Variants in HLCS observed in about 807,000 individuals in gnomAD.
HLCS encodes biotin--protein ligase.
HLCS carries 53 observed loss-of-function variants against 75.0 expected under a neutral mutation model. The observed-to-expected ratio is 0.71, with a 90% confidence interval of 0.57 to 0.89. The LOEUF (loss-of-function observed/expected upper bound fraction) is 0.89, where lower values mean the gene tolerates loss of function less well. Ranked by LOEUF, HLCS falls within the 40% of genes least tolerant of loss-of-function variation. The pLI is 0.00. For synonymous variants in HLCS, 431 were observed against 428.6 expected, an observed-to-expected ratio of 1.01 and a Z score of -0.07; for missense variants, 966 against 1,074.0, an observed-to-expected ratio of 0.90 and a Z score of 1.41.
chr21:36,916,139 C>T (rs1442435012), intron 5 of HLCS, among the ~76,000 whole-genome samples: 1 of 151,872 alleles, frequency 6.6e-6, no homozygotes, highest in Non-Finnish European at 1.5e-5. Flanking sequence ...ATACAAACCA[C>T]CTAAAAAAAA....
intron 2 of HLCS, among the ~76,000 whole-genome samples, chr21:36,955,926 A>G (rs1452107060): frequency 6.6e-6 from 1 of 152,214 alleles, no homozygotes; most frequent in Non-Finnish European, 1.5e-5. Context: ...AGCTGCCTAC[A>G]GTATCCAATG....
intron 5 of HLCS, among the ~76,000 whole-genome samples, chr21:36,927,483 A>T (rs2066459066): frequency 6.6e-6 from 1 of 152,234 alleles, no homozygotes; most frequent in African/African-American, 2.4e-5. Flanking sequence ...CGTCATAAAG[A>T]GCAAGTGTCA....
At position 36,756,684 on chromosome 21, in the gene HLCS, G is replaced by C. The variant is rs2089614259; in HGVS notation, c.2308C>G (p.Gln770Glu). ...AAGGGCTTCAGTTCTGCCTTGTGTTGTTTATTGTATTCTGTGATGAGGTCG... is the reference window on the plus strand; with the variant it reads ...AAGGGCTTCAGTTCTGCCTTGTGTTCTTTATTGTATTCTGTGATGAGGTCG... ...INDLITEYNK[Q>E]HKAELKPLRA... The change falls in exon 10 of 11, where the codon CAA (glutamine) becomes GAA (glutamate). Residue 770 changes from glutamine (Q) to glutamate (E), a missense_variant. Physicochemically the swap from Gln to Glu is conservative, Grantham distance 29. Coordinates refer to ENST00000674895, the MANE Select transcript of HLCS (RefSeq NM_001352514.2). The C allele has an allele frequency of 6.2e-7, 1 of 1,613,982 alleles. No individual in the cohort carries two copies. Among genetic ancestry groups the C allele is most frequent in the South Asian group, 1.1e-5 (1 of 91,080 alleles).
At chr21:36,854,324 T>A (rs558364058) in intron 6 of HLCS, among the ~76,000 whole-genome samples, 1 of 152,312 alleles carries the variant, frequency 6.6e-6, no homozygotes, top group East Asian at 1.9e-4. Flanking sequence ...ACCCTATTAC[T>A]CTACCACAGG....
At chr21:36,904,087 G>C (rs142637443) in intron 5 of HLCS, among the ~76,000 whole-genome samples, 2 of 152,062 alleles carry the variant, frequency 1.3e-5, no homozygotes, top group Non-Finnish European at 2.9e-5. Context: ...CTAAATAAAC[G>C]TCTATTCTTT....
chr21:36,841,096 G>A (rs2062599870), intron 6 of HLCS, among the ~76,000 whole-genome samples: 1 of 152,024 alleles, frequency 6.6e-6, no homozygotes, highest in Admixed American at 6.6e-5. Flanking sequence ...TAAAACGACA[G>A]GGACTTAGGC....
At chr21:36,822,301 TC>T (rs1273444019) in intron 6 of HLCS, among the ~76,000 whole-genome samples, 1 of 152,108 alleles carries the variant, frequency 6.6e-6, no homozygotes. Context: ...GCACCTGTAA[TC>T]CCAGCTACTT....
chr21:36,839,188 C>T (rs1056717311), intron 6 of HLCS, among the ~76,000 whole-genome samples: 3 of 152,212 alleles, frequency 2.0e-5, no homozygotes, highest in African/African-American at 7.2e-5. Context: ...CAAATACACA[C>T]GGCTGAAAAA....
intron 1 of HLCS, among the ~76,000 whole-genome samples, chr21:36,983,576 G>A (rs552178461): frequency 3.9e-5 from 6 of 151,942 alleles, no homozygotes; most frequent in South Asian, 4.2e-4. Flanking sequence ...AGTGGCTCAC[G>A]CCTGTAATCC....
At position 36,759,901 on chromosome 21, in the gene HLCS, C is replaced by A; in HGVS notation, c.2122-60G>T. On this transcript the variant is annotated intron_variant, in intron 8 of 10. Coordinates refer to ENST00000674895, the MANE Select transcript of HLCS (RefSeq NM_001352514.2). ...CAGGACACAAGGGGCCCAGGCAAGT[C>A]ACTGAGCTAAGGGAAGATAAGCAGA... 3 of 1,054,614 alleles carry A rather than the reference C, an allele frequency of 2.8e-6. No individual in the cohort carries two copies. The South Asian group carries it at 3.8e-5, about 13-fold the overall frequency. 65.3% of individuals were successfully genotyped at this position (1,054,614 alleles called of 1,614,324 possible).
chr21:36,946,908 G>A (rs1002024731), intron 2 of HLCS, among the ~76,000 whole-genome samples: 2 of 152,178 alleles, frequency 1.3e-5, no homozygotes, highest in African/African-American at 4.8e-5. Context: ...ATTCAGGACA[G>A]AGAGTTCGTT....
intron 5 of HLCS, among the ~76,000 whole-genome samples, chr21:36,906,841 C>T (rs927892593): frequency 4.6e-5 from 7 of 152,226 alleles, no homozygotes; most frequent in African/African-American, 9.6e-5. Context: ...TATTGGCACA[C>T]AGAGATAGGT....
intron 6 of HLCS, among the ~76,000 whole-genome samples, chr21:36,773,617 AC>A (rs1397035348): frequency 6.6e-6 from 1 of 151,870 alleles, no homozygotes; most frequent in Admixed American, 6.6e-5. Flanking sequence ...TATCTTCTTT[AC>A]CCCCCAGTTT....
At chr21:36,847,956 C>G (rs2062853882) in intron 6 of HLCS, among the ~76,000 whole-genome samples, 1 of 152,156 alleles carries the variant, frequency 6.6e-6, no homozygotes, top group Admixed American at 6.5e-5. Context: ...GTATTGTTTT[C>G]TGATCTGCTT....
intron 1 of HLCS, among the ~76,000 whole-genome samples, chr21:36,987,090 CTA>C (rs1255681823): frequency 6.6e-6 from 1 of 152,234 alleles, no homozygotes; most frequent in Non-Finnish European, 1.5e-5. Flanking sequence ...TGACCTGTCT[CTA>C]TCATTCTTTG....
intron 9 of HLCS, among the ~76,000 whole-genome samples, chr21:36,759,464 G>T (rs768991547): frequency 1.3e-5 from 2 of 152,196 alleles, no homozygotes; most frequent in Non-Finnish European, 2.9e-5. Context: ...TCAATGAGTA[G>T]CAGGAGTGTG....
At chr21:36,889,343 G>A (rs2064675408) in intron 6 of HLCS, among the ~76,000 whole-genome samples, 1 of 152,194 alleles carries the variant, frequency 6.6e-6, no homozygotes, top group Non-Finnish European at 1.5e-5. Context: ...ACACACTGCG[G>A]TTTCACGTCA....
chr21:36,882,704 A>T (rs1601615180), intron 6 of HLCS, among the ~76,000 whole-genome samples: 1 of 137,352 alleles, frequency 7.3e-6, no homozygotes, highest in Non-Finnish European at 1.5e-5. Context: ...CTCGTGATCC[A>T]CCCACCTCGG....
At chr21:36,841,883 A>C (rs569495448) in intron 6 of HLCS, among the ~76,000 whole-genome samples, 1 of 152,084 alleles carries the variant, frequency 6.6e-6, no homozygotes, top group African/African-American at 2.4e-5. Context: ...AAGTCTAATG[A>C]CCCTCAGCTG....
Sources: gnomAD v4.1 joint callset for allele counts (sites outside exome capture counted in the v4.1 genomes callset) on GRCh38, gnomAD v4.1.1 for gene constraint, MANE v1.5 for transcripts, NCBI Gene and HGNC (gene_info 2026-07-23, HGNC 2026-07-21) for gene names.